The following UBAP1 variants were observed in gnomAD, a reference collection of about 807,000 sequenced individuals.
The protein encoded by UBAP1 is ubiquitin-associated protein 1.
Under a neutral mutation model 39.0 loss-of-function variants are expected in UBAP1, and 5 were observed. The observed-to-expected ratio is 0.13, with a 90% CI of 0.07 to 0.27. The LOEUF is 0.27. Ranked by LOEUF, UBAP1 falls within the 10% of genes least tolerant of loss-of-function variation. The pLI is 1.00. For missense variants in UBAP1, 490 were observed against 608.1 expected (o/e 0.81, Z 2.04); for synonymous variants, 211 against 225.1 (o/e 0.94, Z 0.56).
intron 2 of UBAP1, 105 bp downstream of exon 2, chr9:34,221,053 T>C (rs1832728797): frequency 2.1e-6 from 2 of 954,456 alleles, no homozygotes; most frequent in African/African-American, 3.3e-5. Context: ...TCTCTTTTAA[T>C]GAACAGCTTG....
At chr9:34,213,698 G>A (rs1208327591) in intron 1 of UBAP1, among the ~76,000 whole-genome samples, 1 of 152,054 alleles carries the variant, frequency 6.6e-6, no homozygotes, top group East Asian at 1.9e-4. Context: ...AAGAAAGAAA[G>A]GGCATCCAAA....
intron 1 of UBAP1, among the ~76,000 whole-genome samples, chr9:34,199,719 T>G (rs1207477342): frequency 6.6e-6 from 1 of 151,594 alleles, no homozygotes; most frequent in Non-Finnish European, 1.5e-5. Context: ...ACTGCAACCT[T>G]GACTACCCCT....
intron 2 of UBAP1, among the ~76,000 whole-genome samples, chr9:34,230,210 C>T (rs919773918): frequency 6.6e-6 from 1 of 151,154 alleles, no homozygotes; most frequent in African/African-American, 2.4e-5. Flanking sequence ...ATTACATGGG[C>T]ACGCCACCAT....
chr9:34,193,121 A>G (rs574606724), intron 1 of UBAP1, among the ~76,000 whole-genome samples: 1 of 152,100 alleles, frequency 6.6e-6, no homozygotes, highest in Non-Finnish European at 1.5e-5. Context: ...AGCTTGGCCA[A>G]TGTGGCAAAA....
chr9:34,216,380 A>G lies in UBAP1; in HGVS notation c.-7-4528A>G, dbSNP rs1832316665. ...ACCAACTACACAGTTTCTCTTTCCC[A>G]GACCCAGGCAACCGCCAGTCTGCTT... On this transcript the variant is annotated intron_variant, in intron 1 of 6. Coordinates refer to ENST00000297661, the MANE Select transcript of UBAP1 (RefSeq NM_016525.5). Among the ~76,000 whole-genome samples the G allele has an allele frequency of 2.0e-5, 3 of 152,060 alleles. No individual in the cohort carries two copies. In the South Asian group the frequency reaches 6.2e-4, roughly 32 times the overall value.
At chr9:34,248,723 A>C (rs946041653) in intron 4 of UBAP1, among the ~76,000 whole-genome samples, 6 of 152,222 alleles carry the variant, frequency 3.9e-5, no homozygotes, top group Non-Finnish European at 8.8e-5. Context: ...TTTCCCCAGC[A>C]GACTTTGAGG....
intron 1 of UBAP1, chr9:34,212,177 G>A (rs1647312488): frequency 5.3e-6 from 1 of 190,016 alleles, no homozygotes; most frequent in African/African-American, 2.4e-5. Flanking sequence ...TTACATTAGT[G>A]GCAAACATTT....
At chr9:34,207,286 T>TCTACC (rs1180220969) in intron 1 of UBAP1, among the ~76,000 whole-genome samples, 1 of 151,424 alleles carries the variant, frequency 6.6e-6, no homozygotes, top group East Asian at 1.9e-4. Flanking sequence ...CCTTAGGTGA[T>TCTACC]CTACCCACCT....
chr9:34,217,318 C>G (rs1367734543), intron 1 of UBAP1, among the ~76,000 whole-genome samples: 3 of 152,072 alleles, frequency 2.0e-5, no homozygotes, highest in Non-Finnish European at 2.9e-5. Context: ...CTCACTGCAG[C>G]CTCTGCCTCC....
chr9:34,183,552 CA>C (rs750204121), intron 1 of UBAP1, among the ~76,000 whole-genome samples: 371 of 54,138 alleles, frequency 6.9e-3, no homozygotes, highest in African/African-American at 0.018. Flanking sequence ...GACTCCGTCT[CA>C]AAAAAAAAAA....
chr9:34,212,679 C>T (rs566599982), intron 1 of UBAP1, among the ~76,000 whole-genome samples: 2 of 151,580 alleles, frequency 1.3e-5, no homozygotes, highest in Non-Finnish European at 2.9e-5. Context: ...ATACCCTGAA[C>T]AGACCAATAA....
chr9:34,231,148 TG>T (rs1232200121), intron 2 of UBAP1, among the ~76,000 whole-genome samples: 55 of 150,558 alleles, frequency 3.7e-4, no homozygotes, highest in Middle Eastern at 3.2e-3. Context: ...TGTGTGTGTG[TG>T]TGTGTGTGTG....
At chr9:34,233,519 T>G (rs1490735254) in intron 2 of UBAP1, among the ~76,000 whole-genome samples, 2 of 152,184 alleles carry the variant, frequency 1.3e-5, no homozygotes, top group Non-Finnish European at 2.9e-5. Flanking sequence ...CTGGGGAGTC[T>G]CATCCATTCA....
At chr9:34,221,575 T>C (rs1032347196) in intron 2 of UBAP1, among the ~76,000 whole-genome samples, 1 of 151,524 alleles carries the variant, frequency 6.6e-6, no homozygotes, top group African/African-American at 2.4e-5. Context: ...TCCTGTTCCT[T>C]GGTCATAGCT....
chr9:34,235,116 A>G (rs1248677424), intron 3 of UBAP1, among the ~76,000 whole-genome samples: 1 of 152,166 alleles, frequency 6.6e-6, no homozygotes, highest in Admixed American at 6.5e-5. Flanking sequence ...TTAAAGATCA[A>G]AAAGCTTATA....
chr9:34,239,916 C>T (rs1445572845), intron 3 of UBAP1, among the ~76,000 whole-genome samples: 1 of 152,150 alleles, frequency 6.6e-6, no homozygotes, highest in East Asian at 1.9e-4. Context: ...CCGCACCCTG[C>T]TTTTTCTGCG....
At chr9:34,216,670 T>TTG (rs60189337) in intron 1 of UBAP1, among the ~76,000 whole-genome samples, 4 of 116,546 alleles carry the variant, frequency 3.4e-5, no homozygotes, top group Admixed American at 9.7e-5. Context: ...TTTTTTTTTT[T>TTG]GAGACTGGCT....
At chr9:34,210,734 A>ATTTT (rs545066753) in intron 1 of UBAP1, among the ~76,000 whole-genome samples, 94 of 146,552 alleles carry the variant, frequency 6.4e-4, no homozygotes, top group South Asian at 1.7e-3. Flanking sequence ...AAAAAAAAAA[A>ATTTT]TTTTTTTTTT....
rs1266135841 is a variant in UBAP1, at chr9:34,252,213, G to GA, written c.*684dup. On this transcript the variant is annotated 3_prime_UTR_variant, in exon 7 of 7. Transcript: ENST00000297661. ...CAGGGTTTTAGAGCCCCTGCTCTAG[G>GA]AAACAGTTTAAGAAATCATTGGCCC... 6.6e-6 allele frequency: 1 copy of GA among 152,580 alleles called. No homozygotes were observed. Among genetic ancestry groups the GA allele is most frequent in the Admixed American group, 6.5e-5 (1 of 15,276 alleles). The allele number at this position is 152,580 out of a possible 1,614,324, so 9.5% of individuals were successfully genotyped here. A position where few individuals can be genotyped will look rare whatever the true frequency, so the allele number is the denominator to read the frequency against.
Sources: gnomAD v4.1 joint callset for allele counts (sites outside exome capture counted in the v4.1 genomes callset) on GRCh38, gnomAD v4.1.1 for gene constraint, MANE v1.5 for transcripts, NCBI Gene and HGNC (gene_info 2026-07-23, HGNC 2026-07-21) for gene names.